The following RBMS3 variants were observed in gnomAD, a reference collection of about 807,000 sequenced individuals.
RBMS3 encodes RNA binding motif single stranded interacting protein 3.
In RBMS3, 27 loss-of-function variants were observed where a neutral mutation model predicts 66.8. The observed-to-expected ratio is 0.40, with a 90% CI of 0.30 to 0.56. The LOEUF (loss-of-function observed/expected upper bound fraction) is 0.56, where lower values mean the gene tolerates loss of function less well. RBMS3 is among the 20% of genes least tolerant of loss of function. RBMS3 has a pLI of 0.40. For missense variants in RBMS3, 513 were observed against 549.5 expected (o/e 0.93, Z 0.66); for synonymous variants, 188 against 183.0 (o/e 1.03, Z -0.22).
intron 10 of RBMS3, among the ~76,000 whole-genome samples, chr3:29,928,180 T>TTATATATATATATATA (rs1199975605): frequency 1.9e-5 from 2 of 102,574 alleles, no homozygotes; most frequent in African/African-American, 4.1e-5. Context: ...TCTTCAAATT[T>TTATATATATATATATA]TATATATATA....
At chr3:29,527,161 G>C (rs2045150165) in intron 3 of RBMS3, among the ~76,000 whole-genome samples, 1 of 117,666 alleles carries the variant, frequency 8.5e-6, no homozygotes, top group Non-Finnish European at 1.6e-5. Context: ...TAGGGTTTCA[G>C]ACGTGATTGT....
At chr3:29,796,113 T>G (rs1265443831) in intron 6 of RBMS3, among the ~76,000 whole-genome samples, 1 of 152,240 alleles carries the variant, frequency 6.6e-6, no homozygotes, top group Non-Finnish European at 1.5e-5. Context: ...GGTTTCCCAG[T>G]GCATGTAAAA....
intron 4 of RBMS3, among the ~76,000 whole-genome samples, chr3:29,673,425 C>G (rs1035808142): frequency 6.9e-6 from 1 of 145,130 alleles, no homozygotes; most frequent in African/African-American, 2.5e-5. Flanking sequence ...AATAGAGACA[C>G]AAAAAACCCT....
At chr3:29,358,828 C>T (rs1258893350) in intron 1 of RBMS3, among the ~76,000 whole-genome samples, 2 of 152,228 alleles carry the variant, frequency 1.3e-5, no homozygotes, top group East Asian at 3.9e-4. Flanking sequence ...GGAGTTCACT[C>T]ATGATTTGGT....
rs113244267 is a variant in RBMS3, at chr3:29,760,283, C to A, written c.558-2627C>A. 2.1e-3 allele frequency among the ~76,000 whole-genome samples: 306 copies of A among 144,908 alleles called. 1 individual carries two copies. The highest frequency in any genetic ancestry group is 9.9e-3 in the East Asian group (50 of 5,064). On this transcript the variant is annotated intron_variant, in intron 5 of 14. Coordinates refer to ENST00000383767, the MANE Select transcript of RBMS3 (RefSeq NM_001003793.3). ...CACACACACACATACACACACACACCCCTACACACACACACACACCCCTAG... is the reference window on the plus strand; with the variant it reads ...CACACACACACATACACACACACACACCTACACACACACACACACCCCTAG...
chr3:29,321,782 C>A (rs1157592703), intron 1 of RBMS3, among the ~76,000 whole-genome samples: 2 of 152,060 alleles, frequency 1.3e-5, no homozygotes, highest in East Asian at 3.9e-4. Context: ...AGCCACCAAG[C>A]TGGCTGGAGA....
At chr3:29,565,804 A>G (rs1031014650) in intron 3 of RBMS3, among the ~76,000 whole-genome samples, 2 of 152,228 alleles carry the variant, frequency 1.3e-5, no homozygotes, top group Non-Finnish European at 2.9e-5. Flanking sequence ...TTTTATGTCC[A>G]ACATCTTCCA....
chr3:29,595,630 G>T (rs1463452), intron 4 of RBMS3, among the ~76,000 whole-genome samples: 2 of 151,932 alleles, frequency 1.3e-5, no homozygotes, highest in African/African-American at 2.4e-5. Flanking sequence ...TGTTGTCCAT[G>T]GGGTGTGCCT....
intron 1 of RBMS3, among the ~76,000 whole-genome samples, chr3:29,362,804 G>A (rs9310895): frequency 0.077 from 11,650 of 152,206 alleles, 781 homozygotes; most frequent in African/African-American, 0.18. Flanking sequence ...CTATACTTGA[G>A]CTAATTAACG....
chr3:29,580,750 T>C (rs1466674956), intron 3 of RBMS3, among the ~76,000 whole-genome samples: 1 of 151,606 alleles, frequency 6.6e-6, no homozygotes, highest in Non-Finnish European at 1.5e-5. Context: ...TCACTAATAA[T>C]AGGCAAATTC....
chr3:29,342,179 G>A (rs1368499663), intron 1 of RBMS3, among the ~76,000 whole-genome samples: 1 of 152,096 alleles, frequency 6.6e-6, no homozygotes, highest in African/African-American at 2.4e-5. Flanking sequence ...TTCCAGAAGT[G>A]GAGGCTTCAG....
intron 4 of RBMS3, among the ~76,000 whole-genome samples, chr3:29,589,753 C>T (rs1316578367): frequency 6.6e-6 from 1 of 152,000 alleles, no homozygotes; most frequent in Non-Finnish European, 1.5e-5. Flanking sequence ...TATTTTTGGC[C>T]ATTTAAGTAT....
At chr3:29,651,753 G>A (rs1457642) in intron 4 of RBMS3, among the ~76,000 whole-genome samples, 29,450 of 151,934 alleles carry the variant, frequency 0.19, 3,186 homozygotes, top group East Asian at 0.34. Flanking sequence ...GTTTCTCCCA[G>A]AGCAAATAGC....
intron 4 of RBMS3, among the ~76,000 whole-genome samples, chr3:29,644,230 A>G (rs1472664299): frequency 2.0e-5 from 3 of 152,136 alleles, no homozygotes; most frequent in Admixed American, 1.3e-4. Context: ...TAGATGGAAC[A>G]CTCCAAAAAA....
intron 6 of RBMS3, among the ~76,000 whole-genome samples, chr3:29,814,143 G>A (rs1450960429): frequency 2.6e-5 from 4 of 151,498 alleles, no homozygotes; most frequent in African/African-American, 9.8e-5. Flanking sequence ...TTATTATTTT[G>A]AGATACATCC....
At chr3:29,508,791 G>T (rs2044283152) in intron 3 of RBMS3, among the ~76,000 whole-genome samples, 1 of 149,992 alleles carries the variant, frequency 6.7e-6, no homozygotes, top group Middle Eastern at 3.4e-3. Context: ...TTCCACAATT[G>T]TTGAACTAAT....
chr3:29,505,515 T>TG (rs199840035), intron 3 of RBMS3, among the ~76,000 whole-genome samples: 12 of 119,182 alleles, frequency 1.0e-4, no homozygotes, highest in African/African-American at 3.7e-4. Context: ...TGTTTTTTTT[T>TG]TTTGTTGTTT....
intron 3 of RBMS3, among the ~76,000 whole-genome samples, chr3:29,546,152 GTT>G (rs1164554203): frequency 7.3e-6 from 1 of 137,548 alleles, no homozygotes; most frequent in African/African-American, 2.8e-5. Context: ...GTGTGTGTGT[GTT>G]TCACATGAAA....
At chr3:29,567,703 T>C (rs1451697268) in intron 3 of RBMS3, among the ~76,000 whole-genome samples, 1 of 151,710 alleles carries the variant, frequency 6.6e-6, no homozygotes, top group East Asian at 1.9e-4. Flanking sequence ...GCCCTCGTGC[T>C]TATCCTTGAG....
Sources: gnomAD v4.1 joint callset for allele counts (sites outside exome capture counted in the v4.1 genomes callset) on GRCh38, gnomAD v4.1.1 for gene constraint, MANE v1.5 for transcripts, NCBI Gene and HGNC (gene_info 2026-07-23, HGNC 2026-07-21) for gene names.